The following SGCB variants were observed in gnomAD, a reference collection of about 807,000 sequenced individuals.
SGCB encodes the protein beta-sarcoglycan.
A neutral mutation model predicts 27.3 loss-of-function variants in SGCB; 25 were observed. The observed-to-expected ratio is 0.92, with a 90% CI of 0.67 to 1.28. The LOEUF is 1.28. Among genes scored for constraint, SGCB ranks in the 50% most tolerant of loss-of-function variants. SGCB has a pLI of 0.00. For synonymous variants in SGCB, 147 were observed against 133.5 expected (o/e 1.10, Z -0.70); for missense variants, 436 against 402.1 (o/e 1.08, Z -0.72).
chr4:52,035,525 G>A (rs1277309040), intron 1 of SGCB, among the ~76,000 whole-genome samples: 1 of 152,014 alleles, frequency 6.6e-6, no homozygotes, highest in African/African-American at 2.4e-5. Flanking sequence ...TGGACAGCAG[G>A]GTACAAATTC....
At chr4:52,038,144 C>G (rs1288757336) in intron 1 of SGCB, 83 bp downstream of exon 1, 2 of 1,137,284 alleles carry the variant, frequency 1.8e-6, no homozygotes, top group Non-Finnish European at 2.2e-6. Flanking sequence ...CCCGCACCCC[C>G]GGCCAGGGCT....
chr4:52,037,980 C>A (rs1412410909), intron 1 of SGCB, among the ~76,000 whole-genome samples: 1 of 152,160 alleles, frequency 6.6e-6, no homozygotes, highest in Non-Finnish European at 1.5e-5. Flanking sequence ...CCCCTCCTCA[C>A]CCCCTCCGAG....
intron 1 of SGCB, among the ~76,000 whole-genome samples, chr4:52,035,197 G>A (rs989613215): frequency 6.6e-6 from 1 of 152,202 alleles, no homozygotes; most frequent in Non-Finnish European, 1.5e-5. Flanking sequence ...GAATACGCAT[G>A]TATTAAGCAC....
At chr4:52,026,263 T>G (rs955484428) in intron 5 of SGCB, among the ~76,000 whole-genome samples, 6 of 139,726 alleles carry the variant, frequency 4.3e-5, no homozygotes, top group Non-Finnish European at 6.2e-5. Context: ...TTTTTTTTTT[T>G]TTTTTTTTTT....
intron 1 of SGCB, among the ~76,000 whole-genome samples, chr4:52,038,002 C>G (rs1466381673): frequency 6.6e-6 from 1 of 152,096 alleles, no homozygotes; most frequent in Non-Finnish European, 1.5e-5. Context: ...ATCAGCCAGG[C>G]CGGGCCGAGC....
At position 52,034,376 on chromosome 4, in the gene SGCB, AG is replaced by A. The variant is rs1560569181; in HGVS notation, c.34-737del. Among the ~76,000 whole-genome samples the A allele has an allele frequency of 7.4e-4, 100 of 135,484 alleles. 1 individual carries two copies. Among genetic ancestry groups the A allele is most frequent in the African/African-American group, 2.6e-3 (94 of 36,292 alleles). The allele number at this position is 135,484 out of a possible 152,430, so 88.9% of individuals were successfully genotyped here. ...AAAAAAAAAAAAAAAAAAAAAAAAA[AG>A]GGAATGGTTGCATTTGTACAGAACA... On this transcript the variant is annotated intron_variant, in intron 1 of 5. Transcript: ENST00000381431.
chr4:52,026,151 TAGAC>T (rs1737086678), intron 5 of SGCB, among the ~76,000 whole-genome samples: 1 of 152,028 alleles, frequency 6.6e-6, no homozygotes, highest in Non-Finnish European at 1.5e-5. Flanking sequence ...GTATATGGAA[TAGAC>T]AGTAATTCTT....
rs759376332 is a variant in SGCB, at chr4:52,023,934, T to A, written c.*23A>T. 1.3e-6 allele frequency: 2 copies of A among 1,597,084 alleles called. No individual in the cohort carries two copies. The highest frequency in any genetic ancestry group is 1.7e-6 in the Non-Finnish European group (2 of 1,164,638). On this transcript the variant is annotated 3_prime_UTR_variant, in exon 6 of 6. Coordinates refer to ENST00000381431, the MANE Select transcript of SGCB (RefSeq NM_000232.5). ...AAAAAGTCAAGTCAAGATATAAACATGTTGGTGACCTCTGGGGTTCTTTTA... is the reference window on the plus strand; with the variant it reads ...AAAAAGTCAAGTCAAGATATAAACAAGTTGGTGACCTCTGGGGTTCTTTTA...
intron 2 of SGCB, among the ~76,000 whole-genome samples, chr4:52,030,897 T>G (rs1012061290): frequency 6.6e-6 from 1 of 152,228 alleles, no homozygotes; most frequent in Non-Finnish European, 1.5e-5. Context: ...TGCTTCATAT[T>G]TGATTGCTGG....
At chr4:52,031,259 T>C (rs1007307259) in intron 2 of SGCB, among the ~76,000 whole-genome samples, 1 of 152,138 alleles carries the variant, frequency 6.6e-6, no homozygotes, top group African/African-American at 2.4e-5. Context: ...ATTAACAGCA[T>C]GTTAGAGCTC....
intron 1 of SGCB, among the ~76,000 whole-genome samples, chr4:52,037,465 A>G (rs1246807254): frequency 6.6e-6 from 1 of 152,220 alleles, no homozygotes; most frequent in Non-Finnish European, 1.5e-5. Context: ...GTTCAAAGGA[A>G]AAGTAAGTTA....
At chr4:52,024,218 T>G in intron 5 of SGCB, 58 bp from the exon 6 acceptor site, 1 of 1,368,712 alleles carries the variant, frequency 7.3e-7, no homozygotes, top group South Asian at 1.2e-5. Flanking sequence ...CAGAACAAAG[T>G]CAGTAAACAA....
Position 52,033,452 on chromosome 4 carries a change from GATAAACAA to G in SGCB, c.214_221del (p.Leu72ProfsTer24). On this transcript the variant is annotated frameshift_variant, in exon 2 of 6. Coordinates refer to ENST00000381431, the MANE Select transcript of SGCB (RefSeq NM_000232.5). LOFTEE classifies it high-confidence loss of function. ...TCACTATTAAATTGATGACAGCCAG[GATAAACAA>G]GAGGATAATCACACAGATGGCTAAA... is the stretch of plus-strand genomic sequence containing the variant. The G allele has an allele frequency of 6.2e-7, 1 of 1,612,044 alleles. No homozygotes were observed. The highest frequency in any genetic ancestry group is 2.2e-5 in the East Asian group (1 of 44,836).
At chr4:52,034,259 G>A (rs1428802547) in intron 1 of SGCB, among the ~76,000 whole-genome samples, 94 of 67,352 alleles carry the variant, frequency 1.4e-3, no homozygotes, top group Non-Finnish European at 1.8e-3. Flanking sequence ...GTGAACCCGG[G>A]AGGCGGAGCT....
chr4:52,024,545 C>G (rs1288174231), intron 5 of SGCB, among the ~76,000 whole-genome samples: 1 of 151,926 alleles, frequency 6.6e-6, no homozygotes, highest in African/African-American at 2.4e-5. Flanking sequence ...AAGACTTTTC[C>G]TGGCCAAGCG....
intron 5 of SGCB, among the ~76,000 whole-genome samples, chr4:52,027,222 G>C (rs956117006): frequency 1.3e-5 from 2 of 151,950 alleles, no homozygotes; most frequent in Non-Finnish European, 2.9e-5. Context: ...CATATTGCAG[G>C]TACCCAAAGG....
intron 1 of SGCB, among the ~76,000 whole-genome samples, 194 bp downstream of exon 1, chr4:52,038,033 T>C (rs950404651): frequency 1.3e-5 from 2 of 151,866 alleles, no homozygotes; most frequent in African/African-American, 4.8e-5. Flanking sequence ...CCCTGGCTCC[T>C]GGTCCCTAGC....
intron 1 of SGCB, among the ~76,000 whole-genome samples, chr4:52,036,364 C>A (rs1385737275): frequency 6.6e-6 from 1 of 151,908 alleles, no homozygotes; most frequent in Non-Finnish European, 1.5e-5. Flanking sequence ...AGGGATGAAG[C>A]AAGAAATACA....
rs528440717 is a variant in SGCB at position 52,021,827 on chromosome 4, T to C, written c.*2130A>G. 5.9e-5 allele frequency: 9 copies of C among 152,196 alleles called. No homozygotes were observed. The highest frequency in any genetic ancestry group is 1.3e-4 in the Non-Finnish European group (9 of 68,018). The allele number at this position is 152,196 out of a possible 1,614,324, so 9.4% of individuals were successfully genotyped here. A position where few individuals can be genotyped will look rare whatever the true frequency, so the allele number is the denominator to read the frequency against. The stretch of plus-strand genomic sequence containing the variant: ...CTATGGCTGTTAACCTTCAGTTGTA[T>C]AAAAACATCAAAATAGCCTCTCCTC... On this transcript the variant is annotated 3_prime_UTR_variant, in exon 6 of 6. Transcript: ENST00000381431.
Sources: allele counts gnomAD v4.1 joint callset (sites outside exome capture counted in the v4.1 genomes callset), GRCh38; gene constraint gnomAD v4.1.1; transcripts MANE v1.5; gene names NCBI Gene and HGNC (gene_info 2026-07-23, HGNC 2026-07-21).